Variants in LEMD3 observed in about 807,000 individuals in gnomAD.
LEMD3 encodes LEM domain containing 3.
LEMD3 carries 33 observed loss-of-function variants against 95.2 expected under a neutral mutation model. The ratio of observed to expected loss-of-function variants is 0.35; its 90% CI spans 0.26 to 0.46. LEMD3 has a LOEUF of 0.46. Among genes scored for constraint, LEMD3 ranks in the 20% least tolerant of loss-of-function variants. LEMD3 has a pLI of 1.00. For synonymous variants in LEMD3, 525 were observed against 474.6 expected, an observed-to-expected ratio of 1.11 and a Z score of -1.38; for missense variants, 1,210 against 1,192.8, an observed-to-expected ratio of 1.01 and a Z score of -0.21.
chr12:65,213,142 C>T (rs185912362), intron 2 of LEMD3, among the ~76,000 whole-genome samples: 3 of 150,898 alleles, frequency 2.0e-5, no homozygotes, highest in East Asian at 3.9e-4. Flanking sequence ...CTCATAAACA[C>T]CTACTTAGAT....
At chr12:65,194,068 T>A (rs182393522) in intron 1 of LEMD3, among the ~76,000 whole-genome samples, 1 of 152,240 alleles carries the variant, frequency 6.6e-6, no homozygotes, top group Non-Finnish European at 1.5e-5. Context: ...TTACCCAAGT[T>A]ATGTGAACTT....
intron 4 of LEMD3, among the ~76,000 whole-genome samples, chr12:65,231,412 C>T (rs1248628941): frequency 6.6e-6 from 1 of 152,086 alleles, no homozygotes; most frequent in Non-Finnish European, 1.5e-5. Flanking sequence ...TGGCTAGGCA[C>T]AGTGGCTCAT....
chr12:65,192,343 T>G (rs1869270624), intron 1 of LEMD3, among the ~76,000 whole-genome samples: 7 of 152,154 alleles, frequency 4.6e-5, no homozygotes, highest in Admixed American at 3.9e-4. Context: ...ATGTCTACAG[T>G]TTTCTCATAT....
In LEMD3 at chr12:65,243,488, G is replaced by A. The variant is rs1592464922; in HGVS notation, c.2387+19G>A. The A allele has an allele frequency of 2.2e-6, 3 of 1,362,880 alleles. No individual in the cohort carries two copies. 84.4% of individuals were successfully genotyped at this position (1,362,880 alleles called of 1,614,324 possible). ...CCGTTATGTAAGTATTATGATCAGG[G>A]GTACATGTAACTCTTATTCTGAATA... On this transcript the variant is annotated intron_variant, in intron 10 of 12. Transcript: ENST00000308330.
chr12:65,180,108 C>A (rs1868855747), intron 1 of LEMD3, among the ~76,000 whole-genome samples: 1 of 151,900 alleles, frequency 6.6e-6, no homozygotes, highest in South Asian at 2.1e-4. Flanking sequence ...CCACGCCCGG[C>A]TAATTTTTGT....
At chr12:65,177,793 A>G (rs1490228062) in intron 1 of LEMD3, among the ~76,000 whole-genome samples, 1 of 151,956 alleles carries the variant, frequency 6.6e-6, no homozygotes. Context: ...GGTATCTAAA[A>G]TGAATATGGG....
Position 65,169,960 on chromosome 12 carries a change from C to T in LEMD3, c.364C>T (p.Pro122Ser). The T allele has an allele frequency of 6.8e-7, 1 of 1,460,812 alleles. No homozygotes were observed. Among genetic ancestry groups the T allele is most frequent in the Non-Finnish European group, 9.0e-7 (1 of 1,116,750 alleles). The allele number at this position is 1,460,812 out of a possible 1,614,324, so 90.5% of individuals were successfully genotyped here. A position where few individuals can be genotyped will look rare whatever the true frequency, so the allele number is the denominator to read the frequency against. The part of the protein sequence containing the change: ...ASGPESLLGG[P>S]GGASAAPAAG... ...TGGCCCAGAGAGCCTCCTGGGAGGG[C>T]CCGGGGGCGCCTCCGCCGCCCCCGC... The change falls in exon 1 of 13, where the codon CCC (proline) becomes TCC (serine). Residue 122 changes from proline (P) to serine (S), a missense_variant. This residue lies in a region of LEMD3 where 749 missense variants were observed against 622.9 expected (regional missense o/e 1.20). Transcript: ENST00000308330.
intron 1 of LEMD3, among the ~76,000 whole-genome samples, chr12:65,183,412 G>C (rs115268522): frequency 0.027 from 4,132 of 152,196 alleles, 216 homozygotes; most frequent in African/African-American, 0.095. Context: ...GGACCGCTCT[G>C]AGTTATGGAG....
chr12:65,224,770 G>T (rs1870398201), intron 4 of LEMD3, among the ~76,000 whole-genome samples: 1 of 151,938 alleles, frequency 6.6e-6, no homozygotes, highest in Non-Finnish European at 1.5e-5. Context: ...TTCTTCCCCA[G>T]GTTTGGGGAG....
chr12:65,214,087 A>G (rs1384419398), intron 2 of LEMD3, among the ~76,000 whole-genome samples: 1 of 151,778 alleles, frequency 6.6e-6, no homozygotes, highest in African/African-American at 2.4e-5. Flanking sequence ...TTTTTTTGAG[A>G]TGGATTCTCG....
At chr12:65,179,402 A>G (rs1016335213) in intron 1 of LEMD3, among the ~76,000 whole-genome samples, 1 of 152,192 alleles carries the variant, frequency 6.6e-6, no homozygotes, top group African/African-American at 2.4e-5. Context: ...TGATTATTCA[A>G]TATTAACTTT....
Position 65,227,951 on chromosome 12 carries a change from C to T in LEMD3, c.1695+9332C>T, listed in dbSNP as rs573533307. Among the ~76,000 whole-genome samples the T allele has an allele frequency of 5.9e-5, 9 of 152,038 alleles. No individual in the cohort carries two copies. The East Asian group carries it at 1.7e-3, about 29-fold the overall frequency. ...TGATTCATGATAGACTATATTGACT[C>T]TATTCAGTATTTCAGTCCATGGAGG... On this transcript the variant is annotated intron_variant, in intron 4 of 12. Coordinates refer to ENST00000308330, the MANE Select transcript of LEMD3 (RefSeq NM_014319.5).
At chr12:65,209,429 A>G (rs772425453) in intron 1 of LEMD3, among the ~76,000 whole-genome samples, 20 of 152,118 alleles carry the variant, frequency 1.3e-4, no homozygotes, top group Non-Finnish European at 2.2e-4. Context: ...TTGTTTGGCT[A>G]ATTTATTGTC....
chr12:65,175,755 A>G (rs937373157), intron 1 of LEMD3, among the ~76,000 whole-genome samples: 1 of 151,952 alleles, frequency 6.6e-6, no homozygotes, highest in Non-Finnish European at 1.5e-5. Flanking sequence ...TTTACCTTGG[A>G]TTTCTCCTGA....
chr12:65,177,000 A>T (rs1181557825), intron 1 of LEMD3, among the ~76,000 whole-genome samples: 6 of 152,242 alleles, frequency 3.9e-5, no homozygotes, highest in Non-Finnish European at 8.8e-5. Context: ...AGAAGCCTCC[A>T]CACCACTAAT....
At position 65,170,455 on chromosome 12, in the gene LEMD3, A is replaced by G; in HGVS notation, c.859A>G (p.Arg287Gly). The G allele has an allele frequency of 6.2e-7, 1 of 1,613,706 alleles. No homozygotes were observed. The highest frequency in any genetic ancestry group is 2.2e-5 in the East Asian group (1 of 44,776). The change falls in exon 1 of 13, where the codon AGA becomes GGA. Residue 287 changes from arginine (R) to glycine (G), a missense_variant. Arg to Gly is a moderately radical substitution (Grantham distance 125). Coordinates refer to ENST00000308330, the MANE Select transcript of LEMD3 (RefSeq NM_014319.5). ...KDDSLSRHRP[R>G]RTHSKPLPPL... ...CGACTCCCTTTCCCGGCATCGGCCC[A>G]GACGAACCCATAGTAAGCCTCTCCC... is the stretch of plus-strand genomic sequence containing the variant.
chr12:65,190,069 T>C (rs1869190018), intron 1 of LEMD3, among the ~76,000 whole-genome samples: 2 of 152,222 alleles, frequency 1.3e-5, no homozygotes, highest in Non-Finnish European at 2.9e-5. Flanking sequence ...TCTTTAAAAC[T>C]GGCCATATCC....
At chr12:65,191,320 C>T (rs1869232941) in intron 1 of LEMD3, among the ~76,000 whole-genome samples, 1 of 151,896 alleles carries the variant, frequency 6.6e-6, no homozygotes, top group South Asian at 2.1e-4. Flanking sequence ...ATTTATTATG[C>T]AATCGACAAG....
intron 4 of LEMD3, among the ~76,000 whole-genome samples, chr12:65,224,504 C>A (rs752383287): frequency 1.3e-5 from 2 of 151,978 alleles, no homozygotes; most frequent in Non-Finnish European, 2.9e-5. Context: ...ACTGCTCCCC[C>A]CTCCCCCCTA....
Sources: gnomAD v4.1 joint callset for allele counts (sites outside exome capture counted in the v4.1 genomes callset) on GRCh38, gnomAD v4.1.1 for gene constraint, gnomAD v4.1.1 regional missense constraint, MANE v1.5 for transcripts, NCBI Gene and HGNC (gene_info 2026-07-23, HGNC 2026-07-21) for gene names.